CATSPERE: variants seen among roughly 807,000 people sequenced by gnomAD.
CATSPERE encodes the protein catsper channel auxiliary subunit epsilon.
In CATSPERE, 93 loss-of-function variants were observed where a neutral mutation model predicts 114.1. The ratio of observed to expected loss-of-function variants is 0.81; its 90% CI spans 0.69 to 0.97. The LOEUF (loss-of-function observed/expected upper bound fraction) is 0.97, where lower values mean the gene tolerates loss of function less well. Ranked by LOEUF, CATSPERE falls within the 50% of genes least tolerant of loss-of-function variation. The probability of loss-of-function intolerance (pLI) is 0.00; values close to 1 mark genes in which losing one functional copy is unlikely to be tolerated. For missense variants in CATSPERE, 1,058 were observed against 1,131.6 expected (o/e 0.93, Z 0.93); for synonymous variants, 341 against 384.1 (o/e 0.89, Z 1.31).
Position 244,640,068 on chromosome 1 carries a change from G to GT in CATSPERE, c.2844dup (p.Lys949Ter). On this transcript the variant is annotated frameshift_variant, in exon 22 of 22. Coordinates refer to ENST00000366534, the MANE Select transcript of CATSPERE (RefSeq NM_001130957.2). LOFTEE classifies it high-confidence loss of function. ...CCACTTCACAAACCTCAAAGAAAAC[G>GT]TAAGAAGAATTAGGAAAACTGAAAG... 6.5e-7 allele frequency: 1 copy of GT among 1,548,238 alleles called. No homozygotes were observed. The highest frequency in any genetic ancestry group is 8.7e-7 in the Non-Finnish European group (1 of 1,145,236).
chr1:244,475,073 C>CT (rs1669094920), intron 2 of CATSPERE, among the ~76,000 whole-genome samples: 1 of 152,002 alleles, frequency 6.6e-6, no homozygotes. Context: ...ATTTTTAAAA[C>CT]TACATCCCCA....
chr1:244,638,300 T>C lies in CATSPERE; in HGVS notation c.2703-1628T>C, dbSNP rs189222837. Among the ~76,000 whole-genome samples the C allele has an allele frequency of 1.1e-4, 17 of 152,380 alleles. No homozygotes were observed. The East Asian group carries it at 1.5e-3, about 14-fold the overall frequency. Reference sequence around the variant, plus strand: ...GCCTTCATGGAGCTAATAGATATTTTCCAGTCCTCATCTTATTAGATCTTT... The same window carrying C: ...GCCTTCATGGAGCTAATAGATATTTCCCAGTCCTCATCTTATTAGATCTTT... On this transcript the variant is annotated intron_variant, in intron 21 of 21. Coordinates refer to ENST00000366534, the MANE Select transcript of CATSPERE (RefSeq NM_001130957.2).
chr1:244,635,109 GC>G (rs1289332436), intron 20 of CATSPERE, among the ~76,000 whole-genome samples: 4 of 152,260 alleles, frequency 2.6e-5, no homozygotes, highest in African/African-American at 7.2e-5. Context: ...CCTCCCAAAG[GC>G]TGGGATTACA....
intron 20 of CATSPERE, among the ~76,000 whole-genome samples, chr1:244,624,858 C>T (rs997151091): frequency 6.6e-5 from 10 of 152,070 alleles, no homozygotes; most frequent in Non-Finnish European, 1.2e-4. Context: ...AAAGTGCTAT[C>T]ATCCATTCAA....
chr1:244,487,556 G>A (rs1344159490), intron 5 of CATSPERE, among the ~76,000 whole-genome samples: 2 of 152,114 alleles, frequency 1.3e-5, no homozygotes, highest in African/African-American at 2.4e-5. Context: ...ATGCCATGGT[G>A]CTGCCAGCCA....
chr1:244,557,940 C>T (rs1044220006), intron 9 of CATSPERE, among the ~76,000 whole-genome samples: 2 of 151,806 alleles, frequency 1.3e-5, no homozygotes, highest in African/African-American at 4.8e-5. Flanking sequence ...CTTTTTCCAG[C>T]TTCTTGGTAA....
chr1:244,477,646 T>G, intron 3 of CATSPERE, 32 bp downstream of exon 3: 1 of 1,327,394 alleles, frequency 7.5e-7, no homozygotes, highest in South Asian at 1.3e-5. Flanking sequence ...TCAATGTATG[T>G]GTATATTTTT....
chr1:244,522,628 C>T (rs1315589407), intron 8 of CATSPERE, among the ~76,000 whole-genome samples: 16 of 151,958 alleles, frequency 1.1e-4, no homozygotes, highest in East Asian at 3.9e-4. Context: ...ATCAAATAGA[C>T]GCAATAAAAA....
intron 5 of CATSPERE, among the ~76,000 whole-genome samples, chr1:244,489,102 A>T (rs1054187970): frequency 2.6e-5 from 4 of 152,276 alleles, no homozygotes; most frequent in African/African-American, 9.6e-5. Flanking sequence ...ATACAACTAA[A>T]CATACAAATG....
At chr1:244,460,318 C>A (rs984712157), upstream of CATSPERE, among the ~76,000 whole-genome samples, 2 of 152,150 alleles carry the variant, frequency 1.3e-5, no homozygotes, top group Non-Finnish European at 2.9e-5. Flanking sequence ...CTCCTAAGAT[C>A]GGTGCTCGAG....
chr1:244,554,137 G>T (rs1361114817), intron 9 of CATSPERE, among the ~76,000 whole-genome samples: 3 of 152,184 alleles, frequency 2.0e-5, no homozygotes, highest in African/African-American at 7.2e-5. Context: ...AAACCTGCGA[G>T]TACAGGTGTC....
chr1:244,583,342 A>G (rs1404375860), intron 12 of CATSPERE, among the ~76,000 whole-genome samples: 1 of 152,158 alleles, frequency 6.6e-6, no homozygotes, highest in Non-Finnish European at 1.5e-5. Flanking sequence ...TAGTGGAGAA[A>G]GGCATTCTAT....
At chr1:244,600,426 G>A (rs1277808233) in intron 17 of CATSPERE, among the ~76,000 whole-genome samples, 1 of 151,342 alleles carries the variant, frequency 6.6e-6, no homozygotes, top group Non-Finnish European at 1.5e-5. Context: ...TCACAAGGAA[G>A]GTTGTAACCT....
At chr1:244,533,342 G>A (rs1434078906) in intron 8 of CATSPERE, among the ~76,000 whole-genome samples, 1 of 152,000 alleles carries the variant, frequency 6.6e-6, no homozygotes, top group South Asian at 2.1e-4. Context: ...GGAGAGTTTA[G>A]TCCATTTACA....
At chr1:244,467,698 G>A (rs1667814859) in intron 2 of CATSPERE, among the ~76,000 whole-genome samples, 1 of 152,162 alleles carries the variant, frequency 6.6e-6, no homozygotes, top group Non-Finnish European at 1.5e-5. Context: ...CAACCCAGTA[G>A]CATGTCAATC....
chr1:244,548,547 C>G (rs1390565082), intron 8 of CATSPERE, among the ~76,000 whole-genome samples: 20 of 152,176 alleles, frequency 1.3e-4, no homozygotes, highest in Admixed American at 1.3e-3. Flanking sequence ...ACACATAATC[C>G]TTCTGCCATA....
At chr1:244,482,557 G>A (rs1670428826) in intron 5 of CATSPERE, among the ~76,000 whole-genome samples, 1 of 152,070 alleles carries the variant, frequency 6.6e-6, no homozygotes, top group African/African-American at 2.4e-5. Flanking sequence ...AGCTATGATT[G>A]CGCCACTGCA....
chr1:244,584,069 C>G (rs1262044680), intron 13 of CATSPERE, 130 bp downstream of exon 13: 1 of 603,066 alleles, frequency 1.7e-6, no homozygotes, highest in Non-Finnish European at 2.9e-6. Context: ...CCATAGAGTA[C>G]CATCCTCCTA....
chr1:244,559,921 T>G (rs899186568), intron 9 of CATSPERE, among the ~76,000 whole-genome samples: 2 of 152,254 alleles, frequency 1.3e-5, no homozygotes, highest in Non-Finnish European at 2.9e-5. Flanking sequence ...TTTAATATAT[T>G]TCTATGCCTG....
Sources: allele counts gnomAD v4.1 joint callset (sites outside exome capture counted in the v4.1 genomes callset), GRCh38; gene constraint gnomAD v4.1.1; transcripts MANE v1.5; gene names NCBI Gene and HGNC (gene_info 2026-07-23, HGNC 2026-07-21).